Variants in WWOX observed in about 807,000 individuals in gnomAD.
WWOX encodes WW domain-containing oxidoreductase.
Under a neutral mutation model 46.2 loss-of-function variants are expected in WWOX, and 69 were observed. The ratio of observed to expected loss-of-function variants is 1.49; its 90% CI spans 1.23 to 1.82. The LOEUF (loss-of-function observed/expected upper bound fraction) is 1.82. WWOX is among the 40% of genes most tolerant of loss of function. The probability of loss-of-function intolerance (pLI) is 0.00; values close to 1 mark genes in which losing one functional copy is unlikely to be tolerated. For missense variants in WWOX, 919 were observed against 542.6 expected (o/e 1.69, Z -6.89); for synonymous variants, 359 against 202.6 (o/e 1.77, Z -6.56).
intron 8 of WWOX, among the ~76,000 whole-genome samples, chr16:78,793,890 T>C (rs772456795): frequency 2.6e-5 from 4 of 151,718 alleles, no homozygotes; most frequent in Non-Finnish European, 5.9e-5. Context: ...TCCTCATCTC[T>C]ACAAAAAATA....
At chr16:78,537,617 TA>T (rs1567629425) in intron 8 of WWOX, among the ~76,000 whole-genome samples, 1 of 152,170 alleles carries the variant, frequency 6.6e-6, no homozygotes, top group Non-Finnish European at 1.5e-5. Context: ...GTCATACAGA[TA>T]GGCTCGAAGA....
intron 8 of WWOX, among the ~76,000 whole-genome samples, chr16:78,992,883 A>G (rs2046915975): frequency 6.6e-6 from 1 of 151,952 alleles, no homozygotes; most frequent in African/African-American, 2.4e-5. Context: ...CGACCCGCAA[A>G]TTTCCAATTT....
chr16:79,200,615 G>C (rs1374994896), intron 8 of WWOX, among the ~76,000 whole-genome samples: 5 of 152,118 alleles, frequency 3.3e-5, no homozygotes, highest in Non-Finnish European at 5.9e-5. Flanking sequence ...GTAACCAGCA[G>C]TCATCACCAC....
intron 8 of WWOX, among the ~76,000 whole-genome samples, chr16:78,706,864 C>G (rs868588157): frequency 6.6e-6 from 1 of 152,082 alleles, no homozygotes. Flanking sequence ...TTGACGCAAT[C>G]CTGGCTGGCT....
Position 79,152,750 on chromosome 16 carries a change from C to A in WWOX, c.1057-58858C>A, listed in dbSNP as rs559764978. 2.6e-5 allele frequency among the ~76,000 whole-genome samples: 4 copies of A among 152,058 alleles called. No individual in the cohort carries two copies. In the South Asian group the frequency reaches 8.3e-4, roughly 32 times the overall value. On this transcript the variant is annotated intron_variant, in intron 8 of 8. Transcript: ENST00000566780. ...TGGCCAGCAGTCAGCTTAGTGTGGGCAGAGCTCAGGGAATTATTCTGCAGT... is the reference window on the plus strand; with the variant it reads ...TGGCCAGCAGTCAGCTTAGTGTGGGAAGAGCTCAGGGAATTATTCTGCAGT...
At chr16:78,860,205 T>A (rs2052683345) in intron 8 of WWOX, among the ~76,000 whole-genome samples, 1 of 152,228 alleles carries the variant, frequency 6.6e-6, no homozygotes, top group African/African-American at 2.4e-5. Flanking sequence ...AATATTTACT[T>A]ATACTGTGCT....
chr16:78,273,285 A>G (rs2079515771), intron 5 of WWOX, among the ~76,000 whole-genome samples: 1 of 152,066 alleles, frequency 6.6e-6, no homozygotes, highest in South Asian at 2.1e-4. Context: ...AGTTGTCCAA[A>G]CTTTATCCCC....
At position 79,190,332 on chromosome 16, in the gene WWOX, C is replaced by G. The variant is rs935658059; in HGVS notation, c.1057-21276C>G. ...GAGCCACCGTGCCCGGCCTCATATC[C>G]TTTTTTATGGAAAAAAAAAATCGGG... is the stretch of plus-strand genomic sequence containing the variant. On this transcript the variant is annotated intron_variant, in intron 8 of 8. Coordinates refer to ENST00000566780, the MANE Select transcript of WWOX (RefSeq NM_016373.4). 3.9e-5 allele frequency among the ~76,000 whole-genome samples: 6 copies of G among 151,984 alleles called. No individual in the cohort carries two copies. The East Asian group carries it at 9.7e-4, about 24-fold the overall frequency.
intron 5 of WWOX, among the ~76,000 whole-genome samples, chr16:78,196,823 T>C (rs1165378983): frequency 6.6e-6 from 1 of 152,250 alleles, no homozygotes; most frequent in Non-Finnish European, 1.5e-5. Flanking sequence ...AATGATTTAA[T>C]GTACTCTCTG....
intron 8 of WWOX, among the ~76,000 whole-genome samples, chr16:79,159,630 C>T (rs895479191): frequency 1.3e-5 from 2 of 152,204 alleles, no homozygotes; most frequent in Admixed American, 6.5e-5. Flanking sequence ...GAGATTGTCT[C>T]TCCCCGTGTC....
chr16:79,198,104 C>T (rs1051967821), intron 8 of WWOX, among the ~76,000 whole-genome samples: 1 of 151,878 alleles, frequency 6.6e-6, no homozygotes, highest in Admixed American at 6.6e-5. Context: ...ACAGGTGGAT[C>T]ACCTGAGGAC....
At chr16:78,585,587 T>C (rs13339093) in intron 8 of WWOX, among the ~76,000 whole-genome samples, 15,473 of 152,174 alleles carry the variant, frequency 0.1, 1,000 homozygotes, top group East Asian at 0.19. Flanking sequence ...CACCAGGACC[T>C]CTTGACTCAG....
intron 8 of WWOX, among the ~76,000 whole-genome samples, chr16:78,823,287 G>A (rs1414180673): frequency 6.6e-6 from 1 of 152,216 alleles, no homozygotes; most frequent in African/African-American, 2.4e-5. Flanking sequence ...GCGGCTGGCG[G>A]GTTGGGGGCT....
At chr16:78,742,584 C>T (rs915347774) in intron 8 of WWOX, among the ~76,000 whole-genome samples, 1 of 152,214 alleles carries the variant, frequency 6.6e-6, no homozygotes, top group African/African-American at 2.4e-5. Flanking sequence ...GAACGCACAG[C>T]GATCCCCAGC....
intron 7 of WWOX, among the ~76,000 whole-genome samples, chr16:78,427,515 C>T (rs1669730461): frequency 6.6e-6 from 1 of 151,858 alleles, no homozygotes; most frequent in African/African-American, 2.4e-5. Context: ...CCACCCCACA[C>T]ACAAAATCAC....
At chr16:78,129,021 A>G (rs1169591586) in intron 4 of WWOX, among the ~76,000 whole-genome samples, 20 of 152,244 alleles carry the variant, frequency 1.3e-4, no homozygotes, top group Non-Finnish European at 7.4e-5. Flanking sequence ...TCTGTAGTAG[A>G]TCCATATGGG....
chr16:79,124,290 C>T (rs1344333639), intron 8 of WWOX, among the ~76,000 whole-genome samples: 1 of 151,906 alleles, frequency 6.6e-6, no homozygotes, highest in Non-Finnish European at 1.5e-5. Context: ...AAAGCATCCG[C>T]GCTTGCATGG....
intron 8 of WWOX, among the ~76,000 whole-genome samples, chr16:79,191,810 C>G (rs573250279): frequency 6.6e-6 from 1 of 152,264 alleles, no homozygotes; most frequent in Non-Finnish European, 1.5e-5. Context: ...TTAAAAAAAT[C>G]ATAGCGTCTA....
chr16:78,856,415 G>A (rs2052567922), intron 8 of WWOX, among the ~76,000 whole-genome samples: 1 of 152,188 alleles, frequency 6.6e-6, no homozygotes, highest in Non-Finnish European at 1.5e-5. Context: ...GGCTGAGGCG[G>A]GTGGATAGCT....
Sources: allele counts gnomAD v4.1 joint callset (sites outside exome capture counted in the v4.1 genomes callset), GRCh38; gene constraint gnomAD v4.1.1; transcripts MANE v1.5; gene names NCBI Gene and HGNC (gene_info 2026-07-23, HGNC 2026-07-21).